SPTBN2: variants seen among roughly 807,000 people sequenced by gnomAD.
SPTBN2 encodes spectrin beta chain, non-erythrocytic 2.
A neutral mutation model predicts 284.2 loss-of-function variants in SPTBN2; 107 were observed. The ratio of observed to expected loss-of-function variants is 0.38; its 90% CI spans 0.32 to 0.44. The LOEUF is 0.44. SPTBN2 is among the 20% of genes least tolerant of loss of function. The probability of loss-of-function intolerance (pLI) is 1.00; values close to 1 mark genes in which losing one functional copy is unlikely to be tolerated. For synonymous variants in SPTBN2, 1,289 were observed against 1,354.8 expected, an observed-to-expected ratio of 0.95 and a Z score of 1.07; for missense variants, 2,569 against 3,287.1, an observed-to-expected ratio of 0.78 and a Z score of 5.34.
rs917535757 is a variant in SPTBN2 at position 66,707,891 on chromosome 11, G to C, written c.1351-73C>G. On this transcript the variant is annotated intron_variant, in intron 12 of 37. Transcript: ENST00000533211. This position sits in a 1 kb window ranked among gnomAD's most constrained non-coding sequence, Gnocchi z 4.9. ...CTCTGCCTGCTCCTCTGTCCTGCAGGGCACTTGGCCTGCAAGATCCCAGCT... is the reference window on the plus strand; with the variant it reads ...CTCTGCCTGCTCCTCTGTCCTGCAGCGCACTTGGCCTGCAAGATCCCAGCT... 8.3e-6 allele frequency: 13 copies of C among 1,566,196 alleles called. No individual in the cohort carries two copies. In the South Asian group the frequency reaches 1.5e-4, roughly 18 times the overall value.
intron 36 of SPTBN2, 153 bp downstream of exon 36, chr11:66,686,841 G>A (rs113313351): frequency 5.8e-5 from 57 of 983,768 alleles, no homozygotes; most frequent in African/African-American, 2.6e-4. Flanking sequence ...CAGAATCTCC[G>A]CCTCCCTCAT....
Position 66,707,813 on chromosome 11 carries a change from G to C in SPTBN2, c.1356C>G (p.Asn452Lys), listed in dbSNP as rs750175492. The C allele has an allele frequency of 1.2e-6, 2 of 1,608,684 alleles. No homozygotes were observed. Among genetic ancestry groups the C allele is most frequent in the African/African-American group, 1.3e-5 (1 of 74,932 alleles). ...SENQRLVSQDNFGLELAAVEA... is the reference protein window; with the variant it reads ...SENQRLVSQDKFGLELAAVEA... ...CGACAGCTGCCAGCTCCAGCCCAAA[G>C]TTGTCCTGTGTCGGGGGCAGGGAGA... Residue 452 changes from asparagine to lysine, a missense_variant, in exon 13 of 38, where the codon AAC becomes AAG. Asn to Lys is a moderately conservative substitution (Grantham distance 94). This residue lies in a region of SPTBN2 where 1,012 missense variants were observed against 1,248.9 expected (regional missense o/e 0.81). Transcript: ENST00000533211. The surrounding 1 kb of genome is among the most constrained non-coding windows in gnomAD (Gnocchi z 4.9).
chr11:66,722,085 C>T (rs186231509), intron 1 of SPTBN2, among the ~76,000 whole-genome samples: 1 of 152,260 alleles, frequency 6.6e-6, no homozygotes, highest in Non-Finnish European at 1.5e-5. Flanking sequence ...AGCAAGTGCC[C>T]AGGAGTTCAA....
At position 66,715,159 on chromosome 11, in the gene SPTBN2, G is replaced by T; in HGVS notation, c.483+63C>A. On this transcript the variant is annotated intron_variant, in intron 5 of 37. Transcript: ENST00000533211. The surrounding 1 kb of genome is among the most constrained non-coding windows in gnomAD (Gnocchi z 5.3). ...TGTTTGTTGTGTCATGGGCCAGCAG[G>T]AACGGCTTGCGGTGCAGAGCCAGGG... 6.3e-7 allele frequency: 1 copy of T among 1,598,148 alleles called. No homozygotes were observed. Among genetic ancestry groups the T allele is most frequent in the Non-Finnish European group, 8.6e-7 (1 of 1,166,198 alleles).
At chr11:66,690,331 G>GC (rs759921684) in intron 27 of SPTBN2, 48 bp from the exon 28 acceptor site, 1 of 1,516,152 alleles carries the variant, frequency 6.6e-7, no homozygotes, top group Admixed American at 2.0e-5. Context: ...ACTCCAAGGA[G>GC]CCGCAGCCTG....
rs781376193 is a variant in SPTBN2 at position 66,705,352 on chromosome 11, G to A, written c.1924C>T (p.Arg642Trp). ...ACCTCCCAGAGGAAACGCCAGAGCC[G>A]CCGTGATTCCTCCAGCCGGGCCCGC... Reference protein sequence around the residue: ...ARRARLEESRRLWRFLWEVGE... With the variant: ...ARRARLEESRWLWRFLWEVGE... Residue 642 changes from arginine to tryptophan, a missense_variant, in exon 15 of 38, where the codon CGG (arginine) becomes TGG (tryptophan). Around this residue, in one of 6 missense-constraint regions of SPTBN2, gnomAD observed 1,012 missense variants for 1,248.9 expected, o/e 0.81. Coordinates refer to ENST00000533211, the MANE Select transcript of SPTBN2 (RefSeq NM_006946.4). 8 of 1,611,490 alleles carry A rather than the reference G, an allele frequency of 5.0e-6. No homozygotes were observed. Among genetic ancestry groups the A allele is most frequent in the Non-Finnish European group, 5.9e-6 (7 of 1,179,784 alleles).
chr11:66,743,726 C>A (rs1239915060), intron 1 of SPTBN2, among the ~76,000 whole-genome samples: 1 of 152,200 alleles, frequency 6.6e-6, no homozygotes, highest in Non-Finnish European at 1.5e-5. Flanking sequence ...TTGGCACATT[C>A]AGTGCAGTCA....
At chr11:66,732,038 T>C (rs1461044403), upstream of SPTBN2, among the ~76,000 whole-genome samples, 5 of 152,206 alleles carry the variant, frequency 3.3e-5, no homozygotes, top group Admixed American at 6.5e-5. Context: ...AGATCTGAAA[T>C]ATGAGAAGCA....
Position 66,687,622 on chromosome 11 carries a change from T to A in SPTBN2, c.6527A>T (p.Asn2176Ile), listed in dbSNP as rs201811428. 1 of 1,602,328 alleles carries A rather than the reference T, an allele frequency of 6.2e-7. No individual in the cohort carries two copies. The highest frequency in any genetic ancestry group is 8.5e-7 in the Non-Finnish European group (1 of 1,174,558). Reference protein sequence around the residue: ...GPGPGSGDEANGPRGERQTRT... With the variant: ...GPGPGSGDEAIGPRGERQTRT... ...GGTCTGCCTCTCTCCCCGGGGCCCA[T>A]TGGCTTCGTCCCCTGAGCCAGGTCC... The change falls in exon 35 of 38, where the codon AAT becomes ATT. Residue 2176 changes from asparagine (N) to isoleucine (I), a missense_variant. By Grantham distance (149) the Asn-to-Ile change is moderately radical. Around this residue, in one of 6 missense-constraint regions of SPTBN2, gnomAD observed 1,130 missense variants for 1,317.3 expected, o/e 0.86. Transcript: ENST00000533211. The surrounding 1 kb of genome is among the most constrained non-coding windows in gnomAD (Gnocchi z 5.2).
rs1005600223 is a variant in SPTBN2, at chr11:66,701,058, C to G, written c.3041G>C (p.Arg1014Pro). 2.5e-6 allele frequency: 4 copies of G among 1,610,228 alleles called. No individual in the cohort carries two copies. Among genetic ancestry groups the G allele is most frequent in the African/African-American group, 1.3e-5 (1 of 74,942 alleles). ...TGCCTCTCGAGTCAGTTCGCCCACC[C>G]GGGCGGCGATGGCCTCCAGGTCCCG... ...TERDLEAIAA[R>P]VGELTREANA... The change falls in exon 17 of 38, where the codon CGG becomes CCG. Residue 1014 changes from arginine (R) to proline (P), a missense_variant. Physicochemically the swap from Arg to Pro is moderately radical, Grantham distance 103. Coordinates refer to ENST00000533211, the MANE Select transcript of SPTBN2 (RefSeq NM_006946.4).
At chr11:66,689,305 G>A (rs1026233388) in intron 29 of SPTBN2, 125 bp from the exon 30 acceptor site, 15 of 1,074,610 alleles carry the variant, frequency 1.4e-5, no homozygotes, top group African/African-American at 4.7e-5. Flanking sequence ...ACGGAGTTTC[G>A]CTCTTATCAC....
At chr11:66,705,936 C>T in intron 13 of SPTBN2, 99 bp from the exon 14 acceptor site, 1 of 1,511,946 alleles carries the variant, frequency 6.6e-7, no homozygotes, top group African/African-American at 1.4e-5. Context: ...AGGTGTTGCA[C>T]CCAGGTGAGA....
intron 27 of SPTBN2, among the ~76,000 whole-genome samples, chr11:66,690,609 G>A (rs976828104): frequency 5.3e-5 from 8 of 152,290 alleles, no homozygotes; most frequent in African/African-American, 1.9e-4. Context: ...GGGGATTCAG[G>A]CAGGGGCTGA....
chr11:66,714,491 C>T lies in SPTBN2; in HGVS notation c.484-84G>A, dbSNP rs1017700733. On this transcript the variant is annotated intron_variant, in intron 5 of 37. Transcript: ENST00000533211. ...AGATGCTCAGATAAATGGCAGGAAA[C>T]TGCTCTTTAGACTGTGGTAATGGGG... 7 of 1,233,750 alleles carry T rather than the reference C, an allele frequency of 5.7e-6. No individual in the cohort carries two copies. The African/African-American group carries it at 1.0e-4, about 18-fold the overall frequency. The allele number at this position is 1,233,750 out of a possible 1,614,324, so 76.4% of individuals were successfully genotyped here.
At chr11:66,692,018 A>G (rs1940588897) in intron 26 of SPTBN2, among the ~76,000 whole-genome samples, 1 of 152,130 alleles carries the variant, frequency 6.6e-6, no homozygotes, top group Non-Finnish European at 1.5e-5. Flanking sequence ...AGTGTGAGTG[A>G]TAATTTCCTG....
chr11:66,737,943 G>A (rs1295028965), intron 1 of SPTBN2, among the ~76,000 whole-genome samples: 1 of 152,030 alleles, frequency 6.6e-6, no homozygotes, highest in Non-Finnish European at 1.5e-5. Context: ...GGCCGGGTAC[G>A]GTGGCTCACG....
Position 66,707,441 on chromosome 11 carries a change from C to T in SPTBN2, c.1653+75G>A, listed in dbSNP as rs529813237. On this transcript the variant is annotated intron_variant, in intron 13 of 37. Transcript: ENST00000533211. The surrounding 1 kb of genome is among the most constrained non-coding windows in gnomAD (Gnocchi z 4.9). Reference sequence around the variant, plus strand: ...ACTCCACAGAGATCGGCCGAGCAGACGGGCGGACGCACCCACTGTGGGGCC... The same window carrying T: ...ACTCCACAGAGATCGGCCGAGCAGATGGGCGGACGCACCCACTGTGGGGCC... 192 of 1,472,888 alleles carry T rather than the reference C, an allele frequency of 1.3e-4. 2 individuals carry two copies. The South Asian group carries it at 2.1e-3, about 16-fold the overall frequency. The allele number at this position is 1,472,888 out of a possible 1,614,324, so 91.2% of individuals were successfully genotyped here.
rs761284992 is a variant in SPTBN2 at position 66,718,966 on chromosome 11, A to T, written c.157+2118T>A. ...CTGCCAGCGCCTTCAAGACCCGCCC[A>T]TCAGGCCCCAAGTTACCTAACAATG... is the stretch of plus-strand genomic sequence containing the variant. On this transcript the variant is annotated intron_variant, in intron 3 of 37. Coordinates refer to ENST00000533211, the MANE Select transcript of SPTBN2 (RefSeq NM_006946.4). This position sits in a 1 kb window ranked among gnomAD's most constrained non-coding sequence, Gnocchi z 4.8. Among the ~76,000 whole-genome samples the T allele has an allele frequency of 5.9e-5, 9 of 152,176 alleles. No individual in the cohort carries two copies. Among genetic ancestry groups the T allele is most frequent in the Non-Finnish European group, 1.3e-4 (9 of 68,028 alleles).
rs749092185 is a variant in SPTBN2 at position 66,694,376 on chromosome 11, AG to A, written c.4279-14del. 1.9e-6 allele frequency: 3 copies of A among 1,613,154 alleles called. No individual in the cohort carries two copies. In the African/African-American group the frequency reaches 4.0e-5, roughly 22 times the overall value. ...CCCATTCCAGCATCTGCAAACCGCC[AG>A]GAGGAAGGACATGTTAGCTCTGCAT... On this transcript the variant is annotated splice_polypyrimidine_tract_variant and intron_variant, in intron 21 of 37. Coordinates refer to ENST00000533211, the MANE Select transcript of SPTBN2 (RefSeq NM_006946.4).
Sources: allele counts gnomAD v4.1 joint callset (sites outside exome capture counted in the v4.1 genomes callset), GRCh38; gene constraint gnomAD v4.1.1; regional missense constraint gnomAD v4.1.1; non-coding constraint Gnocchi (gnomAD v3.1); transcripts MANE v1.5; gene names NCBI Gene and HGNC (gene_info 2026-07-23, HGNC 2026-07-21).